SIRPG: variants seen among roughly 807,000 people sequenced by gnomAD.
SIRPG encodes the protein signal-regulatory protein gamma.
SIRPG carries 38 observed loss-of-function variants against 35.7 expected under a neutral mutation model. That is an observed-to-expected ratio of 1.06 (90% confidence interval 0.82 to 1.40). The LOEUF (loss-of-function observed/expected upper bound fraction) is 1.40, where lower values mean the gene tolerates loss of function less well. SIRPG is among the 40% of genes most tolerant of loss of function. The pLI is 0.00. For missense variants in SIRPG, 519 were observed against 483.0 expected (o/e 1.07, Z -0.70); for synonymous variants, 215 against 190.4 (o/e 1.13, Z -1.06).
Position 1,636,379 on chromosome 20 carries a change from C to A in SIRPG, c.557G>T (p.Gly186Val). ...GGTCTGGAAGTCTGAGAGCTCATTCCCATTTTTGAACCATTTCAGGGTGAT... is the reference window on the plus strand; with the variant it reads ...GGTCTGGAAGTCTGAGAGCTCATTCACATTTTTGAACCATTTCAGGGTGAT... ...RDITLKWFKN[G>V]NELSDFQTNV... The change falls in exon 3 of 6, where the codon GGG becomes GTG. Residue 186 changes from glycine to valine, a missense_variant. By Grantham distance (109) the Gly-to-Val change is moderately radical. Coordinates refer to ENST00000303415, the MANE Select transcript of SIRPG (RefSeq NM_018556.4). 1 of 1,614,202 alleles carries A rather than the reference C, an allele frequency of 6.2e-7. No homozygotes were observed. The highest frequency in any genetic ancestry group is 8.5e-7 in the Non-Finnish European group (1 of 1,180,036).
At chr20:1,680,243 AT>A in the SIRPG span, among the ~76,000 whole-genome samples, 1 of 152,216 alleles carries the variant, frequency 6.6e-6, no homozygotes, top group Admixed American at 6.5e-5. Flanking sequence ...CATGTTGGCC[AT>A]GAATTTCCCC....
chr20:1,659,928 A>G (rs2091991792), upstream of SIRPG, among the ~76,000 whole-genome samples: 1 of 152,256 alleles, frequency 6.6e-6, no homozygotes, highest in Admixed American at 6.5e-5. Context: ...ATCACCAAAG[A>G]TTTGAGGAAC....
At chr20:1,646,800 A>C (rs2091901072) in intron 2 of SIRPG, 1 of 152,116 alleles carries the variant, frequency 6.6e-6, no homozygotes, top group African/African-American at 2.4e-5. Context: ...GGCATGCGCC[A>C]CCATGCCTGG....
At chr20:1,680,912 T>G in the SIRPG span, among the ~76,000 whole-genome samples, 902 of 152,354 alleles carry the variant, frequency 5.9e-3, 19 homozygotes, top group African/African-American at 0.021. Context: ...TATTGGTTAC[T>G]GTCATTCTCC....
chr20:1,685,347 A>G, the SIRPG span, among the ~76,000 whole-genome samples: 1 of 152,154 alleles, frequency 6.6e-6, no homozygotes, highest in Non-Finnish European at 1.5e-5. Context: ...CAGGGTCTTT[A>G]AGAAGCTATT....
At chr20:1,686,285 A>G in the SIRPG span, among the ~76,000 whole-genome samples, 2 of 152,058 alleles carry the variant, frequency 1.3e-5, no homozygotes, top group Non-Finnish European at 2.9e-5. Flanking sequence ...CAGGGATTTC[A>G]GGGCTGCAAG....
At chr20:1,685,938 G>A in the SIRPG span, among the ~76,000 whole-genome samples, 1 of 152,124 alleles carries the variant, frequency 6.6e-6, no homozygotes, top group South Asian at 2.1e-4. Flanking sequence ...TTGCCTCCTG[G>A]AGCCTCAAGG....
At chr20:1,669,997 C>T in the SIRPG span, 26 of 246,454 alleles carry the variant, frequency 1.1e-4, no homozygotes, top group South Asian at 1.2e-3. Flanking sequence ...GCCCATCATG[C>T]GCCATCTGGT....
intron 4 of SIRPG, among the ~76,000 whole-genome samples, chr20:1,631,495 C>T (rs559456732): frequency 2.0e-5 from 3 of 152,224 alleles, no homozygotes; most frequent in Non-Finnish European, 2.9e-5. Flanking sequence ...TAGCTCAGCA[C>T]CTCGCTCCTC....
At chr20:1,645,828 C>T (rs2091893677) in intron 2 of SIRPG, among the ~76,000 whole-genome samples, 1 of 152,224 alleles carries the variant, frequency 6.6e-6, no homozygotes, top group African/African-American at 2.4e-5. Context: ...CCATTAGAGG[C>T]TCTGTGCACA....
intron 2 of SIRPG, among the ~76,000 whole-genome samples, chr20:1,638,935 G>A (rs189461202): frequency 1.4e-4 from 22 of 152,196 alleles, no homozygotes; most frequent in African/African-American, 3.6e-4. Flanking sequence ...CCATGGCCCC[G>A]CAAAGGACAT....
At position 1,635,562 on chromosome 20, in the gene SIRPG, C is replaced by A. The variant is rs2091791834; in HGVS notation, c.786G>T (p.Arg262Ser). The A allele has an allele frequency of 1.5e-5, 25 of 1,614,112 alleles. No individual in the cohort carries two copies. Among genetic ancestry groups the A allele is most frequent in the Non-Finnish European group, 2.1e-5 (25 of 1,179,968 alleles). ...PTLEVTQQPM[R>S]VGNQVNVTCQ... ...AGGTGACGTTTACCTGGTTCCCCAC[C>A]CTCATGGGCTGTTGAGTAACCTCCA... Residue 262 changes from arginine (R) to serine (S), a missense_variant, in exon 4 of 6, where the codon AGG becomes AGT. Transcript: ENST00000303415.
Position 1,649,087 on chromosome 20 carries a change from A to T in SIRPG, c.395T>A (p.Phe132Tyr), listed in dbSNP as rs2091918545. The part of the protein sequence containing the change: ...FRKGSPENVE[F>Y]KSGPGTEMAL... Reference sequence around the variant, plus strand: ...CATCTCAGTGCCTGGTCCAGACTTAAACTCCACGTTCTCAGGGCTCCCTTT... The same window carrying T: ...CATCTCAGTGCCTGGTCCAGACTTATACTCCACGTTCTCAGGGCTCCCTTT... Residue 132 changes from phenylalanine (F) to tyrosine (Y), a missense_variant, in exon 2 of 6, where the codon TTT becomes TAT. Phe to Tyr is a conservative substitution (Grantham distance 22). Transcript: ENST00000303415. 1 of 1,613,858 alleles carries T rather than the reference A, an allele frequency of 6.2e-7. No individual in the cohort carries two copies. Among genetic ancestry groups the T allele is most frequent in the African/African-American group, 1.3e-5 (1 of 75,016 alleles).
chr20:1,647,792 A>G (rs58503647), intron 2 of SIRPG: 21,229 of 152,208 alleles, frequency 0.14, 1,671 homozygotes, highest in Non-Finnish European at 0.16. Context: ...AAGTTTTCCA[A>G]TCACCAATGG....
intron 1 of SIRPG, among the ~76,000 whole-genome samples, chr20:1,652,316 C>A (rs944964966): frequency 6.6e-6 from 1 of 152,210 alleles, no homozygotes; most frequent in Non-Finnish European, 1.5e-5. Flanking sequence ...AGTCCCTGCT[C>A]ATCTGAAATG....
the SIRPG span, chr20:1,671,300 C>G: frequency 1.2e-5 from 2 of 169,724 alleles, no homozygotes; most frequent in African/African-American, 4.8e-5. Flanking sequence ...AGTTTTTAAT[C>G]CTTCTAATAA....
chr20:1,672,604 T>C, the SIRPG span, among the ~76,000 whole-genome samples: 2 of 152,184 alleles, frequency 1.3e-5, no homozygotes, highest in African/African-American at 4.8e-5. Flanking sequence ...ACCAACTTTT[T>C]TGAAAATCCC....
chr20:1,631,828 G>A (rs1349010641), intron 4 of SIRPG, among the ~76,000 whole-genome samples: 1 of 152,190 alleles, frequency 6.6e-6, no homozygotes, highest in Admixed American at 6.5e-5. Flanking sequence ...TTGGGAAATG[G>A]TAGTTATAAG....
At chr20:1,641,208 G>T (rs976634991) in intron 2 of SIRPG, among the ~76,000 whole-genome samples, 1 of 152,104 alleles carries the variant, frequency 6.6e-6, no homozygotes, top group African/African-American at 2.4e-5. Flanking sequence ...TTGTACCTCT[G>T]GTAGAATTTG....
Sources: gnomAD v4.1 joint callset for allele counts (sites outside exome capture counted in the v4.1 genomes callset) on GRCh38, gnomAD v4.1.1 for gene constraint, MANE v1.5 for transcripts, NCBI Gene and HGNC (gene_info 2026-07-23, HGNC 2026-07-21) for gene names.